MEIS2: variants seen among roughly 807,000 people sequenced by gnomAD.
The protein encoded by MEIS2 is homeobox protein Meis2.
Under a neutral mutation model 58.6 loss-of-function variants are expected in MEIS2, and 9 were observed. The ratio of observed to expected loss-of-function variants is 0.15; its 90% confidence interval spans 0.09 to 0.27. The LOEUF (loss-of-function observed/expected upper bound fraction) is 0.27. Ranked by LOEUF, MEIS2 falls within the 10% of genes least tolerant of loss-of-function variation. MEIS2 has a pLI of 1.00. For missense variants in MEIS2, 427 were observed against 635.0 expected, an observed-to-expected ratio of 0.67 and a Z score of 3.52; for synonymous variants, 221 against 228.4, an observed-to-expected ratio of 0.97 and a Z score of 0.29.
chr15:37,067,833 T>A (rs1288534908), intron 7 of MEIS2, among the ~76,000 whole-genome samples: 1 of 152,052 alleles, frequency 6.6e-6, no homozygotes, highest in Admixed American at 6.6e-5. Context: ...TTTTAAGAAA[T>A]CATATTATAC....
At chr15:36,960,810 T>C (rs2059154095) in intron 8 of MEIS2, among the ~76,000 whole-genome samples, 1 of 152,160 alleles carries the variant, frequency 6.6e-6, no homozygotes, top group East Asian at 1.9e-4. Flanking sequence ...AGAAGCATCA[T>C]TACCAGTCTA....
chr15:36,918,212 T>C (rs996317118), intron 9 of MEIS2, among the ~76,000 whole-genome samples: 1 of 152,214 alleles, frequency 6.6e-6, no homozygotes, highest in African/African-American at 2.4e-5. Flanking sequence ...CAGCCCTCTA[T>C]CCATTAAGTT....
At chr15:36,898,653 C>T (rs1163616705) in intron 9 of MEIS2, 1 of 152,180 alleles carries the variant, frequency 6.6e-6, no homozygotes, top group Non-Finnish European at 1.5e-5. Context: ...CTCCCTTACT[C>T]ACAGAGCTGC....
chr15:37,055,014 G>T (rs572462528), intron 7 of MEIS2, among the ~76,000 whole-genome samples: 1 of 152,134 alleles, frequency 6.6e-6, no homozygotes, highest in Non-Finnish European at 1.5e-5. Context: ...TATGAGAGTT[G>T]ACATTTTCCA....
chr15:36,908,867 A>G (rs2056869497), intron 9 of MEIS2, among the ~76,000 whole-genome samples: 1 of 152,056 alleles, frequency 6.6e-6, no homozygotes, highest in African/African-American at 2.4e-5. Context: ...TGAACCTGGG[A>G]GGCGGAGGTT....
chr15:36,973,099 C>G (rs1244286925), intron 8 of MEIS2, among the ~76,000 whole-genome samples: 1 of 152,228 alleles, frequency 6.6e-6, no homozygotes, highest in Non-Finnish European at 1.5e-5. Context: ...CTTAATCTCT[C>G]TAAGCCTCAG....
intron 9 of MEIS2, among the ~76,000 whole-genome samples, chr15:36,926,643 G>A (rs1336203206): frequency 2.0e-5 from 3 of 152,174 alleles, no homozygotes; most frequent in Non-Finnish European, 4.4e-5. Context: ...GGCAGGTCTT[G>A]ATAATTATGG....
intron 8 of MEIS2, among the ~76,000 whole-genome samples, chr15:36,984,238 C>G (rs2060022792): frequency 6.6e-6 from 1 of 151,942 alleles, no homozygotes; most frequent in Admixed American, 6.6e-5. Context: ...GGAGGAAAAG[C>G]TTTTAACTTT....
chr15:37,083,249 G>A (rs1658887357), intron 7 of MEIS2, among the ~76,000 whole-genome samples: 1 of 152,082 alleles, frequency 6.6e-6, no homozygotes, highest in South Asian at 2.1e-4. Context: ...ATGGAAATGG[G>A]GACAAATAAT....
At chr15:36,950,059 A>G (rs1179814287) in intron 9 of MEIS2, among the ~76,000 whole-genome samples, 1 of 151,978 alleles carries the variant, frequency 6.6e-6, no homozygotes, top group African/African-American at 2.4e-5. Flanking sequence ...AGATGGGAAA[A>G]GTGAGGTGGA....
chr15:36,942,731 C>A (rs2058419348), intron 9 of MEIS2, among the ~76,000 whole-genome samples: 2 of 152,078 alleles, frequency 1.3e-5, no homozygotes, highest in Non-Finnish European at 1.5e-5. Flanking sequence ...AACTTAAAGA[C>A]TACTCAATAC....
At chr15:36,918,811 C>T (rs1446233423) in intron 9 of MEIS2, among the ~76,000 whole-genome samples, 1 of 152,158 alleles carries the variant, frequency 6.6e-6, no homozygotes, top group Non-Finnish European at 1.5e-5. Flanking sequence ...AGAGCAAGTA[C>T]TCCTAGTCAT....
intron 8 of MEIS2, 85 bp from the exon 9 acceptor site, chr15:36,950,485 A>T (rs2058716478): frequency 7.8e-7 from 1 of 1,275,676 alleles, no homozygotes; most frequent in Non-Finnish European, 1.1e-6. Flanking sequence ...ACCGTTGGTG[A>T]TTTCTTTAGT....
intron 8 of MEIS2, among the ~76,000 whole-genome samples, chr15:37,022,400 C>G (rs1332274671): frequency 1.3e-5 from 2 of 152,138 alleles, no homozygotes; most frequent in African/African-American, 4.8e-5. Flanking sequence ...GCACACCCAG[C>G]TAATTTATTT....
intron 8 of MEIS2, among the ~76,000 whole-genome samples, chr15:36,979,696 TA>T (rs896835958): frequency 4.8e-5 from 7 of 147,304 alleles, no homozygotes; most frequent in Non-Finnish European, 9.0e-5. Context: ...ATATAATATA[TA>T]AAAATATATA....
chr15:36,895,394 TTGTC>T (rs2056120326), intron 10 of MEIS2, 133 bp from the exon 11 acceptor site: 1 of 708,772 alleles, frequency 1.4e-6, no homozygotes, highest in Non-Finnish European at 2.4e-6. Flanking sequence ...GGGGTGTGGT[TTGTC>T]TGAGTGTCTT....
At chr15:37,045,650 C>T (rs1363051653) in intron 7 of MEIS2, among the ~76,000 whole-genome samples, 1 of 152,070 alleles carries the variant, frequency 6.6e-6, no homozygotes, top group African/African-American at 2.4e-5. Flanking sequence ...CCCAGAAACA[C>T]GGGGAGGATG....
At chr15:36,896,958 G>A (rs1595671017) in intron 9 of MEIS2, 2 of 339,250 alleles carry the variant, frequency 5.9e-6, no homozygotes, top group East Asian at 1.0e-4. Context: ...TTCAAATTGT[G>A]CTTCTGCTTC....
intron 7 of MEIS2, among the ~76,000 whole-genome samples, chr15:37,078,274 G>A (rs995416399): frequency 6.6e-6 from 1 of 151,986 alleles, no homozygotes. Context: ...AACACTGGCC[G>A]TGAGTGGGAA....
Sources: gnomAD v4.1 joint callset for allele counts (sites outside exome capture counted in the v4.1 genomes callset) on GRCh38, gnomAD v4.1.1 for gene constraint, MANE v1.5 for transcripts, NCBI Gene and HGNC (gene_info 2026-07-23, HGNC 2026-07-21) for gene names.